SLC8A2: variants seen among roughly 807,000 people sequenced by gnomAD.
The protein encoded by SLC8A2 is solute carrier family 8 member A2.
In SLC8A2, 14 loss-of-function variants were observed where a neutral mutation model predicts 70.2. The ratio of observed to expected loss-of-function variants is 0.20; its 90% CI spans 0.13 to 0.31. SLC8A2 has a LOEUF of 0.31. Among genes scored for constraint, SLC8A2 ranks in the 10% least tolerant of loss-of-function variants. The pLI is 1.00. For missense variants in SLC8A2, 779 were observed against 1,320.1 expected (o/e 0.59, Z 6.35); for synonymous variants, 575 against 594.3 (o/e 0.97, Z 0.47).
rs895524785 is a variant in SLC8A2, at chr19:47,435,550, GT to G, written c.2110+1911del. Among the ~76,000 whole-genome samples the G allele has an allele frequency of 2.4e-3, 314 of 133,226 alleles. 2 individuals carry two copies. The highest frequency in any genetic ancestry group is 7.6e-3 in the Middle Eastern group (2 of 264). The allele number at this position is 133,226 out of a possible 152,430, so 87.4% of individuals were successfully genotyped here. On this transcript the variant is annotated intron_variant, in intron 8 of 9. Coordinates refer to ENST00000236877, the MANE Select transcript of SLC8A2 (RefSeq NM_015063.3). ...CGTCTCCTGCTAGTTTCTTTTCTTCGTTTTTTTTTTTTTTTTTAGACGGAGT... is the reference window on the plus strand; with the variant it reads ...CGTCTCCTGCTAGTTTCTTTTCTTCGTTTTTTTTTTTTTTTTAGACGGAGT...
At chr19:47,431,121 C>A (rs576251555) in intron 9 of SLC8A2, among the ~76,000 whole-genome samples, 1 of 152,192 alleles carries the variant, frequency 6.6e-6, no homozygotes, top group Admixed American at 6.5e-5. Context: ...CTCATTTTCC[C>A]CAGCTCAGGT....
chr19:47,459,117 C>T (rs1252183585), intron 2 of SLC8A2, among the ~76,000 whole-genome samples: 66 of 151,350 alleles, frequency 4.4e-4, no homozygotes, highest in Admixed American at 4.4e-3. Flanking sequence ...CTCTCCCTCC[C>T]CTTCCTCCCA....
At chr19:47,441,232 G>C in intron 5 of SLC8A2, 46 bp from the exon 6 acceptor site, 1 of 1,611,260 alleles carries the variant, frequency 6.2e-7, no homozygotes, top group Non-Finnish European at 8.5e-7. Flanking sequence ...AGTTCCCCAC[G>C]AAGCTCAGGT....
Position 47,430,019 on chromosome 19 carries a change from G to A in SLC8A2, c.*70C>T. ...GAGTCTGGGGGGAAAAGGAGACCAG[G>A]GTCCAAGAGCAGGTGCAGCCGAGTC... On this transcript the variant is annotated 3_prime_UTR_variant, in exon 10 of 10. Transcript: ENST00000236877. This position sits in a 1 kb window ranked among gnomAD's most constrained non-coding sequence, Gnocchi z 5.9. The A allele has an allele frequency of 6.8e-7, 1 of 1,464,414 alleles. No homozygotes were observed. The highest frequency in any genetic ancestry group is 9.1e-7 in the Non-Finnish European group (1 of 1,095,688). The allele number at this position is 1,464,414 out of a possible 1,614,324, so 90.7% of individuals were successfully genotyped here. A position where few individuals can be genotyped will look rare whatever the true frequency, so the allele number is the denominator to read the frequency against.
chr19:47,466,783 G>A lies in SLC8A2; in HGVS notation c.-16-364C>T, dbSNP rs1967468209. 6.6e-6 allele frequency among the ~76,000 whole-genome samples: 1 copy of A among 152,138 alleles called. No homozygotes were observed. Among genetic ancestry groups the A allele is most frequent in the Admixed American group, 6.5e-5 (1 of 15,274 alleles). ...AAAAGGACCTACAAGAATGTTCATA[G>A]CAGGCCGGGTGCGGTGGCTACGCCT... On this transcript the variant is annotated intron_variant, in intron 1 of 9. Coordinates refer to ENST00000236877, the MANE Select transcript of SLC8A2 (RefSeq NM_015063.3). The surrounding 1 kb of genome is among the most constrained non-coding windows in gnomAD (Gnocchi z 6.9).
At chr19:47,452,330 T>C (rs570194452) in intron 3 of SLC8A2, among the ~76,000 whole-genome samples, 15 of 151,222 alleles carry the variant, frequency 9.9e-5, no homozygotes, top group Non-Finnish European at 1.6e-4. Context: ...TTCCCCTACC[T>C]CTGCCTTCTG....
intron 1 of SLC8A2, among the ~76,000 whole-genome samples, chr19:47,470,189 G>A (rs1967516050): frequency 6.6e-6 from 1 of 152,202 alleles, no homozygotes; most frequent in African/African-American, 2.4e-5. Flanking sequence ...ACACCACAGA[G>A]CTTGGGTGCT....
At chr19:47,440,184 C>T in intron 6 of SLC8A2, among the ~76,000 whole-genome samples, 1 of 152,126 alleles carries the variant, frequency 6.6e-6, no homozygotes, top group East Asian at 1.9e-4. Context: ...CCAATTCTAA[C>T]CTAAATTCCT....
At position 47,447,008 on chromosome 19, in the gene SLC8A2, C is replaced by T. The variant is rs897600270; in HGVS notation, c.1763+801G>A. Among the ~76,000 whole-genome samples the T allele has an allele frequency of 5.9e-5, 9 of 152,092 alleles. No individual in the cohort carries two copies. The highest frequency in any genetic ancestry group is 1.7e-4 in the African/African-American group (7 of 41,410). On this transcript the variant is annotated intron_variant, in intron 4 of 9. Coordinates refer to ENST00000236877, the MANE Select transcript of SLC8A2 (RefSeq NM_015063.3). This position sits in a 1 kb window ranked among gnomAD's most constrained non-coding sequence, Gnocchi z 5.1. ...TCCCCAGTGTCTCCCCAGGCCCTGC[C>T]CTGCCTTCCCAGGCCCCCAGATTCC...
rs932115641 is a variant in SLC8A2, at chr19:47,468,794, C to A, written c.-16-2375G>T. On this transcript the variant is annotated intron_variant, in intron 1 of 9. Transcript: ENST00000236877. The surrounding 1 kb of genome is among the most constrained non-coding windows in gnomAD (Gnocchi z 5.1). Reference sequence around the variant, plus strand: ...GCACCAACTCTGGCTCCCAGGTCGCCTCTCCAAGAGTGGCCCTGACTCTGA... The same window carrying A: ...GCACCAACTCTGGCTCCCAGGTCGCATCTCCAAGAGTGGCCCTGACTCTGA... Among the ~76,000 whole-genome samples the A allele has an allele frequency of 1.3e-5, 2 of 152,198 alleles. No homozygotes were observed. Among genetic ancestry groups the A allele is most frequent in the Non-Finnish European group, 2.9e-5 (2 of 68,042 alleles).
intron 3 of SLC8A2, among the ~76,000 whole-genome samples, chr19:47,453,504 C>T (rs755749219): frequency 6.6e-6 from 1 of 152,144 alleles, no homozygotes; most frequent in African/African-American, 2.4e-5. Flanking sequence ...TGCCAGGCCT[C>T]GAATGTCTTC....
At position 47,447,905 on chromosome 19, in the gene SLC8A2, C is replaced by A; in HGVS notation, c.1667G>T (p.Arg556Leu). The A allele has an allele frequency of 6.3e-7, 1 of 1,576,558 alleles. No individual in the cohort carries two copies. The highest frequency in any genetic ancestry group is 8.6e-7 in the Non-Finnish European group (1 of 1,162,996). Residue 556 changes from arginine to leucine, a missense_variant, in exon 4 of 10, where the codon CGC (arginine) becomes CTC (leucine). Arg to Leu is a moderately radical substitution (Grantham distance 102). Coordinates refer to ENST00000236877, the MANE Select transcript of SLC8A2 (RefSeq NM_015063.3). This position sits in a 1 kb window ranked among gnomAD's most constrained non-coding sequence, Gnocchi z 5.1. ...VRSSGARGTV[R>L]LPYRTVDGTA... ...GCCGTCCACCGTGCGGTAGGGAAGG[C>A]GCACGGTGCCGCGCGCGCCCGAGCT...
At chr19:47,435,697 G>T (rs773694081) in intron 8 of SLC8A2, among the ~76,000 whole-genome samples, 1 of 151,888 alleles carries the variant, frequency 6.6e-6, no homozygotes, top group Non-Finnish European at 1.5e-5. Context: ...TACAGGCGCA[G>T]GCCACCATGC....
intron 8 of SLC8A2, among the ~76,000 whole-genome samples, chr19:47,433,393 T>C (rs930432995): frequency 6.6e-6 from 1 of 152,074 alleles, no homozygotes; most frequent in Non-Finnish European, 1.5e-5. Context: ...AAATATGGTA[T>C]TCACTTTCCC....
chr19:47,453,936 A>G (rs1380433592), intron 3 of SLC8A2, among the ~76,000 whole-genome samples: 2 of 151,970 alleles, frequency 1.3e-5, no homozygotes, highest in African/African-American at 4.8e-5. Flanking sequence ...GACAAAACAA[A>G]ACAAAACCAC....
At position 47,432,419 on chromosome 19, in the gene SLC8A2, A is replaced by T. The variant is rs1599843343; in HGVS notation, c.2137T>A (p.Ser713Thr). The T allele has an allele frequency of 6.2e-7, 1 of 1,605,508 alleles. No homozygotes were observed. The highest frequency in any genetic ancestry group is 8.5e-7 in the Non-Finnish European group (1 of 1,175,536). Reference sequence around the variant, plus strand: ...CACGACGGCAGCCGCTCCTCCCGGGACCCGTCCTCCTCCTCCTCCTCGTCC... The same window carrying T: ...CACGACGGCAGCCGCTCCTCCCGGGTCCCGTCCTCCTCCTCCTCCTCGTCC... ...AGDEEEEEDG[S>T]REERLPSCFD... The change falls in exon 9 of 10, where the codon TCC becomes ACC. Residue 713 changes from serine to threonine, a missense_variant. This residue lies in a region of SLC8A2 where 247 missense variants were observed against 362.8 expected (regional missense o/e 0.68). Transcript: ENST00000236877. This position sits in a 1 kb window ranked among gnomAD's most constrained non-coding sequence, Gnocchi z 6.2.
chr19:47,439,617 TCTTCCTTC>T lies in SLC8A2; in HGVS notation c.1885+1544_1885+1551del, dbSNP rs149487413. Among the ~76,000 whole-genome samples, 19 of 145,928 alleles carry T rather than the reference TCTTCCTTC, an allele frequency of 1.3e-4. 1 individual carries two copies. In the East Asian group the frequency reaches 3.6e-3, roughly 28 times the overall value. ...CTCTCTTCTCCCTCCTTCCTTCCTT[TCTTCCTTC>T]CTTCCTTCCTTCCTTCCTCCCCTCC... On this transcript the variant is annotated intron_variant, in intron 6 of 9. Transcript: ENST00000236877.
intron 4 of SLC8A2, among the ~76,000 whole-genome samples, chr19:47,444,223 C>A (rs1204384111): frequency 2.0e-5 from 3 of 151,880 alleles, no homozygotes; most frequent in Non-Finnish European, 4.4e-5. Flanking sequence ...TCTTCTCTCC[C>A]TGTCTCTGTC....
Position 47,447,630 on chromosome 19 carries a change from T to G in SLC8A2, c.1763+179A>C, listed in dbSNP as rs1413520254. The G allele has an allele frequency of 2.4e-6, 1 of 412,694 alleles. No homozygotes were observed. Among genetic ancestry groups the G allele is most frequent in the South Asian group, 2.5e-5 (1 of 39,358 alleles). The allele number at this position is 412,694 out of a possible 1,614,324, so 25.6% of individuals were successfully genotyped here. ...TGAAGCCCCGCCCACGTCGTGGGCATGGGTCACAGGCCCCGCCCACGTTGC... is the reference window on the plus strand; with the variant it reads ...TGAAGCCCCGCCCACGTCGTGGGCAGGGGTCACAGGCCCCGCCCACGTTGC... On this transcript the variant is annotated intron_variant, in intron 4 of 9. Transcript: ENST00000236877. The surrounding 1 kb of genome is among the most constrained non-coding windows in gnomAD (Gnocchi z 5.1).
Sources: allele counts gnomAD v4.1 joint callset (sites outside exome capture counted in the v4.1 genomes callset), GRCh38; gene constraint gnomAD v4.1.1; regional missense constraint gnomAD v4.1.1; non-coding constraint Gnocchi (gnomAD v3.1); transcripts MANE v1.5; gene names NCBI Gene and HGNC (gene_info 2026-07-23, HGNC 2026-07-21).